The following SDK1 variants were observed in gnomAD, a reference collection of about 807,000 sequenced individuals.
The protein encoded by SDK1 is protein sidekick-1.
In SDK1, 157 loss-of-function variants were observed where a neutral mutation model predicts 245.5. The observed-to-expected ratio is 0.64, with a 90% CI of 0.56 to 0.73. SDK1 has a LOEUF of 0.73. Among genes scored for constraint, SDK1 ranks in the 30% least tolerant of loss-of-function variants. The probability of loss-of-function intolerance (pLI) is 0.00; values close to 1 mark genes in which losing one functional copy is unlikely to be tolerated. For synonymous variants in SDK1, 1,647 were observed against 1,278.5 expected, an observed-to-expected ratio of 1.29 and a Z score of -6.15; for missense variants, 3,583 against 3,002.3, an observed-to-expected ratio of 1.19 and a Z score of -4.52.
intron 1 of SDK1, among the ~76,000 whole-genome samples, chr7:3,436,010 T>C (rs890660120): frequency 2.0e-5 from 3 of 152,352 alleles, no homozygotes; most frequent in East Asian, 1.9e-4. Flanking sequence ...TTAGAAGTTA[T>C]AAATGAGCTT....
In SDK1 at chr7:4,205,943, G is replaced by A. The variant is rs145639450; in HGVS notation, c.5163G>A (p.Thr1721=). The A allele has an allele frequency of 9.6e-6, 15 of 1,564,650 alleles. No homozygotes were observed. The highest frequency in any genetic ancestry group is 3.5e-5 in the South Asian group (3 of 84,970). ...TPLTASQLEV[T]WDPPPPESQN... is the part of the protein sequence containing the mutation. ...TCACGGCCAGCCAGCTGGAGGTCAC[G>A]TGGGACCCACCACCCCCGGAGAGCC... Residue 1721 remains threonine (T), a synonymous_variant, in exon 36 of 45, where the codon ACG becomes ACA. Coordinates refer to ENST00000404826, the MANE Select transcript of SDK1 (RefSeq NM_152744.4).
chr7:3,349,619 A>G (rs1016299932), intron 1 of SDK1, among the ~76,000 whole-genome samples: 1 of 151,944 alleles, frequency 6.6e-6, no homozygotes, highest in African/African-American at 2.4e-5. Context: ...TTTTTTTTTG[A>G]GACGTAGTCT....
chr7:3,670,085 C>A (rs772086193), intron 4 of SDK1, among the ~76,000 whole-genome samples: 3 of 152,200 alleles, frequency 2.0e-5, no homozygotes, highest in Non-Finnish European at 4.4e-5. Context: ...TGCCACCATT[C>A]CTGACCAAAC....
At chr7:3,621,824 G>A (rs1185825019) in intron 2 of SDK1, among the ~76,000 whole-genome samples, 4 of 152,116 alleles carry the variant, frequency 2.6e-5, no homozygotes, top group African/African-American at 9.7e-5. Flanking sequence ...GATAATATGG[G>A]TCTCAAACTA....
At chr7:4,261,526 C>T (rs369699701) in intron 44 of SDK1, among the ~76,000 whole-genome samples, 1 of 152,144 alleles carries the variant, frequency 6.6e-6, no homozygotes, top group Non-Finnish European at 1.5e-5. Context: ...GGGGCCACAG[C>T]CGTCTGTCTT....
At chr7:3,490,930 G>A (rs938881398) in intron 1 of SDK1, among the ~76,000 whole-genome samples, 2 of 152,190 alleles carry the variant, frequency 1.3e-5, no homozygotes, top group African/African-American at 2.4e-5. Context: ...ACTAGTTTCT[G>A]TTAGGCATTC....
intron 40 of SDK1, among the ~76,000 whole-genome samples, chr7:4,228,597 T>G (rs1041316439): frequency 6.6e-6 from 1 of 152,218 alleles, no homozygotes; most frequent in African/African-American, 2.4e-5. Flanking sequence ...TGGAGTGCAG[T>G]GGTGCAATCT....
intron 28 of SDK1, among the ~76,000 whole-genome samples, chr7:4,136,132 G>C (rs10251063): frequency 6.6e-6 from 1 of 152,170 alleles, no homozygotes; most frequent in African/African-American, 2.4e-5. Context: ...GCTGAACGCT[G>C]CTGAATCACA....
At chr7:3,938,947 G>T (rs529041959) in intron 5 of SDK1, among the ~76,000 whole-genome samples, 42 of 152,264 alleles carry the variant, frequency 2.8e-4, no homozygotes, top group African/African-American at 8.9e-4. Context: ...TGTTATAAAT[G>T]AGAAGAAAAG....
chr7:3,998,355 G>C (rs1303515413), intron 14 of SDK1, among the ~76,000 whole-genome samples: 1 of 152,384 alleles, frequency 6.6e-6, no homozygotes, highest in South Asian at 2.1e-4. Flanking sequence ...AAAGGAACAT[G>C]ATACTGACTT....
intron 1 of SDK1, among the ~76,000 whole-genome samples, chr7:3,440,647 G>A (rs974876278): frequency 2.6e-5 from 4 of 152,126 alleles, no homozygotes; most frequent in Non-Finnish European, 5.9e-5. Context: ...GATAGAAAGT[G>A]CTTCCTTTAA....
chr7:4,104,808 T>TCC (rs1176640731), intron 22 of SDK1, among the ~76,000 whole-genome samples: 4 of 151,906 alleles, frequency 2.6e-5, no homozygotes, highest in Non-Finnish European at 5.9e-5. Context: ...GCGCTAATGA[T>TCC]CCCCCTGCAT....
chr7:3,771,311 G>A (rs536602241), intron 4 of SDK1, among the ~76,000 whole-genome samples: 8 of 152,190 alleles, frequency 5.3e-5, no homozygotes, highest in East Asian at 1.9e-4. Flanking sequence ...CCTCACTTGC[G>A]TCGAGTGAAC....
chr7:4,076,631 C>G (rs1038321007), intron 20 of SDK1, among the ~76,000 whole-genome samples: 3 of 152,216 alleles, frequency 2.0e-5, no homozygotes, highest in Non-Finnish European at 4.4e-5. Context: ...CATAATTTGA[C>G]AAGAGAAGGT....
intron 1 of SDK1, among the ~76,000 whole-genome samples, chr7:3,479,876 A>T (rs11973094): frequency 0.12 from 18,035 of 147,634 alleles, 1,220 homozygotes; most frequent in African/African-American, 0.16. Context: ...AAAAAAAAAA[A>T]TTTTTTTTTT....
At chr7:3,394,254 T>C (rs1390350611) in intron 1 of SDK1, among the ~76,000 whole-genome samples, 1 of 152,188 alleles carries the variant, frequency 6.6e-6, no homozygotes, top group Non-Finnish European at 1.5e-5. Context: ...TCTTTTTGCA[T>C]GTGGATATCC....
intron 5 of SDK1, among the ~76,000 whole-genome samples, chr7:3,914,171 T>C (rs1020694188): frequency 7.2e-5 from 11 of 152,240 alleles, no homozygotes; most frequent in Non-Finnish European, 1.5e-4. Context: ...ATTATACAGT[T>C]CATTTATGCC....
chr7:3,914,287 G>A (rs1465400182), intron 5 of SDK1, among the ~76,000 whole-genome samples: 2 of 152,080 alleles, frequency 1.3e-5, no homozygotes, highest in African/African-American at 4.8e-5. Flanking sequence ...TGTCTTACTG[G>A]GTTCATGTCA....
Position 4,175,782 on chromosome 7 carries a change from C to G in SDK1, c.4944C>G (p.Ser1648Arg). ...IALHAELTAQ[S>R]SFKTVNSSST... The stretch of plus-strand genomic sequence containing the variant: ...CTTTGCTTACCCCAATAGCCCAAAG[C>G]AGCTTCAAGACGGTGAACAGCAGCT... Residue 1648 changes from serine to arginine, a missense_variant, in exon 34 of 45, where the codon AGC becomes AGG. By Grantham distance (110) the Ser-to-Arg change is moderately radical. Coordinates refer to ENST00000404826, the MANE Select transcript of SDK1 (RefSeq NM_152744.4). The G allele has an allele frequency of 6.2e-7, 1 of 1,613,936 alleles. No individual in the cohort carries two copies. The highest frequency in any genetic ancestry group is 1.3e-5 in the African/African-American group (1 of 75,072).
Sources: allele counts gnomAD v4.1 joint callset (sites outside exome capture counted in the v4.1 genomes callset), GRCh38; gene constraint gnomAD v4.1.1; transcripts MANE v1.5; gene names NCBI Gene and HGNC (gene_info 2026-07-23, HGNC 2026-07-21).